CUX1: variants seen among roughly 807,000 people sequenced by gnomAD.
CUX1 encodes the protein cut like homeobox 1, also known as protein CASP.
Under a neutral mutation model 158.8 loss-of-function variants are expected in CUX1, and 31 were observed. That is an observed-to-expected ratio of 0.20 (90% CI 0.15 to 0.26). CUX1 has a LOEUF of 0.26. Ranked by LOEUF, CUX1 falls within the 10% of genes least tolerant of loss-of-function variation. The pLI, the probability that CUX1 is intolerant of heterozygous loss-of-function variation, is 1.00. For synonymous variants in CUX1, 879 were observed against 862.1 expected (o/e 1.02, Z -0.34); for missense variants, 1,589 against 2,014.6 (o/e 0.79, Z 4.04).
intron 2 of CUX1, among the ~76,000 whole-genome samples, chr7:101,963,819 C>T (rs1031471821): frequency 6.6e-6 from 1 of 151,710 alleles, no homozygotes; most frequent in African/African-American, 2.4e-5. Flanking sequence ...ATCTGGCTAA[C>T]TTTTTAATTT....
At chr7:101,879,197 G>C (rs913049567) in intron 1 of CUX1, among the ~76,000 whole-genome samples, 3 of 152,228 alleles carry the variant, frequency 2.0e-5, no homozygotes, top group Admixed American at 6.5e-5. Flanking sequence ...CTGAGCCCAG[G>C]AGGAGTCCCT....
rs1554518474 is a variant in CUX1 at position 102,196,767 on chromosome 7, A to C, written c.1356A>C (p.Ser452=). ...ASNTNGTHQF[S]PAGLSQDFFS... ...ATACTAATGGTACACACCAGTTCTC[A>C]CCAGCGGGGTTAAGTCAAGACTTTT... The change falls in exon 15 of 24, where the codon TCA becomes TCC. Residue 452 remains serine (S), a synonymous_variant. Coordinates refer to ENST00000292535, the MANE Select transcript of CUX1 (RefSeq NM_181552.4). 1.2e-6 allele frequency: 2 copies of C among 1,614,056 alleles called. No homozygotes were observed. The highest frequency in any genetic ancestry group is 1.7e-6 in the Non-Finnish European group (2 of 1,180,028).
intron 2 of CUX1, among the ~76,000 whole-genome samples, chr7:102,025,623 G>C (rs889069999): frequency 1.4e-5 from 2 of 147,428 alleles, no homozygotes; most frequent in Admixed American, 1.3e-4. Flanking sequence ...GCCAGACCCC[G>C]TCTTAGGTGG....
At chr7:102,110,361 A>G (rs1554489697) in intron 6 of CUX1, among the ~76,000 whole-genome samples, 1 of 145,944 alleles carries the variant, frequency 6.9e-6, no homozygotes, top group Non-Finnish European at 1.5e-5. Flanking sequence ...AAGCCGTAGT[A>G]TATTACATTA....
At chr7:101,917,645 C>A (rs935921839) in intron 2 of CUX1, among the ~76,000 whole-genome samples, 1 of 152,174 alleles carries the variant, frequency 6.6e-6, no homozygotes, top group East Asian at 1.9e-4. Flanking sequence ...TTGCCTCCAG[C>A]GGCTTCAGAG....
intron 2 of CUX1, among the ~76,000 whole-genome samples, chr7:101,994,479 T>C (rs764471368): frequency 6.6e-6 from 1 of 152,152 alleles, no homozygotes; most frequent in Non-Finnish European, 1.5e-5. Context: ...CACACGCCTG[T>C]AATCCCAGCT....
intron 2 of CUX1, among the ~76,000 whole-genome samples, chr7:101,920,488 C>T (rs559686237): frequency 5.3e-5 from 8 of 152,276 alleles, no homozygotes; most frequent in East Asian, 3.9e-4. Context: ...CAAACTCCTG[C>T]GCTCAAGCAG....
chr7:101,972,835 A>G (rs1649623873), intron 2 of CUX1, among the ~76,000 whole-genome samples: 1 of 152,164 alleles, frequency 6.6e-6, no homozygotes, highest in African/African-American at 2.4e-5. Flanking sequence ...GTGGTAACCA[A>G]CAGACACAGC....
Position 102,170,457 on chromosome 7 carries a change from G to T in CUX1, c.735G>T (p.Val245=), listed in dbSNP as rs377269248. Residue 245 remains valine, a synonymous_variant, in exon 10 of 24, where the codon GTG becomes GTT. Transcript: ENST00000292535. ...TTCATTTCCTTCAGAGGGCAGAGGT[G>T]GCTCAGAGAGAGGCGGAGACCTTAA... ...DLERANQRAE[V]AQREAETLRE... The T allele has an allele frequency of 6.3e-6, 10 of 1,586,308 alleles. No homozygotes were observed. The African/African-American group carries it at 1.3e-4, about 21-fold the overall frequency.
chr7:102,011,037 T>A (rs1233562497), intron 2 of CUX1, among the ~76,000 whole-genome samples: 1 of 151,772 alleles, frequency 6.6e-6, no homozygotes, highest in Non-Finnish European at 1.5e-5. Context: ...CACTTGAACC[T>A]GGGAGGCGGA....
At chr7:101,957,883 AGT>A (rs1563059973) in intron 2 of CUX1, among the ~76,000 whole-genome samples, 1 of 152,196 alleles carries the variant, frequency 6.6e-6, no homozygotes, top group Non-Finnish European at 1.5e-5. Context: ...ACAGTGGTTA[AGT>A]GTGAGAGTTT....
rs1554519914 is a variant in CUX1 at position 102,201,910 on chromosome 7, G to A, written c.2613G>A (p.Gln871=). The part of the protein sequence containing the change: ...SQPRAERSQL[Q]GPSSSEYWKE... ...CTCGGGCCGAGCGCAGTCAGCTCCAGGGACCCTCGTCGTCAGAGTACTGGA... is the reference window on the plus strand; with the variant it reads ...CTCGGGCCGAGCGCAGTCAGCTCCAAGGACCCTCGTCGTCAGAGTACTGGA... The change falls in exon 18 of 24, where the codon CAG becomes CAA. Residue 871 remains glutamine (Q), a synonymous_variant. Transcript: ENST00000292535. This position sits in a 1 kb window ranked among gnomAD's most constrained non-coding sequence, Gnocchi z 5.0. 1.9e-6 allele frequency: 3 copies of A among 1,613,874 alleles called. No homozygotes were observed. The highest frequency in any genetic ancestry group is 1.3e-5 in the African/African-American group (1 of 74,924).
intron 8 of CUX1, among the ~76,000 whole-genome samples, chr7:102,124,689 A>G (rs185113094): frequency 6.6e-6 from 1 of 152,268 alleles, no homozygotes; most frequent in East Asian, 1.9e-4. Context: ...TAAATGATAC[A>G]TATTTATAGG....
At chr7:102,216,534 CCACA>C (rs1400918269) in intron 20 of CUX1, among the ~76,000 whole-genome samples, 2 of 81,234 alleles carry the variant, frequency 2.5e-5, no homozygotes, top group Non-Finnish European at 2.3e-5. Context: ...ACTCTCCCCC[CCACA>C]CACACACACC....
At chr7:101,962,179 G>C (rs887584415) in intron 2 of CUX1, among the ~76,000 whole-genome samples, 1 of 152,132 alleles carries the variant, frequency 6.6e-6, no homozygotes, top group African/African-American at 2.4e-5. Context: ...ATACAGGTGG[G>C]AATTAGATGT....
intron 10 of CUX1, among the ~76,000 whole-genome samples, chr7:102,175,610 C>A (rs138518148): frequency 6.6e-6 from 1 of 152,082 alleles, no homozygotes; most frequent in Admixed American, 6.6e-5. Context: ...CGCCCTTCCC[C>A]GGCACCCACC....
chr7:102,160,082 G>C (rs1790268446), intron 9 of CUX1, among the ~76,000 whole-genome samples: 1 of 152,028 alleles, frequency 6.6e-6, no homozygotes, highest in African/African-American at 2.4e-5. Flanking sequence ...TCAGGAGGCT[G>C]AGGCAGGAGA....
At chr7:101,919,990 C>T (rs887578957) in intron 2 of CUX1, among the ~76,000 whole-genome samples, 2 of 152,164 alleles carry the variant, frequency 1.3e-5, no homozygotes, top group African/African-American at 4.8e-5. Flanking sequence ...CGCAGCGGCA[C>T]GATCACAGCT....
In CUX1 at chr7:102,257,227, G is replaced by A; in HGVS notation, c.*8185G>A. ...CATATCATCACCTCCCCTTCTCCAA[G>A]ATTGCCGGGGGCCCTGATTTTGTTC... On this transcript the variant is annotated 3_prime_UTR_variant, in exon 24 of 24. Transcript: ENST00000292535. 1.0e-6 allele frequency: 1 copy of A among 985,282 alleles called. No individual in the cohort carries two copies. The highest frequency in any genetic ancestry group is 1.2e-6 in the Non-Finnish European group (1 of 829,902). 61.0% of individuals were successfully genotyped at this position (985,282 alleles called of 1,614,324 possible).
Sources: gnomAD v4.1 joint callset for allele counts (sites outside exome capture counted in the v4.1 genomes callset) on GRCh38, gnomAD v4.1.1 for gene constraint, Gnocchi (gnomAD v3.1) non-coding constraint, MANE v1.5 for transcripts, NCBI Gene and HGNC (gene_info 2026-07-23, HGNC 2026-07-21) for gene names.